SAMD4A: variants seen among roughly 807,000 people sequenced by gnomAD.
The protein encoded by SAMD4A is protein Smaug homolog 1.
SAMD4A carries 33 observed loss-of-function variants against 81.3 expected under a neutral mutation model. The observed-to-expected ratio is 0.41, with a 90% CI of 0.31 to 0.54. The LOEUF is 0.54. SAMD4A is among the 20% of genes least tolerant of loss of function. The pLI, the probability that SAMD4A is intolerant of heterozygous loss-of-function variation, is 0.37. For missense variants in SAMD4A, 854 were observed against 951.1 expected (o/e 0.90, Z 1.34); for synonymous variants, 389 against 382.1 (o/e 1.02, Z -0.21).
At chr14:54,639,890 T>G (rs1388569055) in intron 2 of SAMD4A, among the ~76,000 whole-genome samples, 1 of 152,074 alleles carries the variant, frequency 6.6e-6, no homozygotes, top group Non-Finnish European at 1.5e-5. Context: ...AAAGAAGCAG[T>G]CTAACATTCT....
intron 3 of SAMD4A, among the ~76,000 whole-genome samples, chr14:54,732,372 G>C (rs143813295): frequency 6.6e-6 from 1 of 152,194 alleles, no homozygotes; most frequent in East Asian, 1.9e-4. Flanking sequence ...TGTACGTAGG[G>C]ATTTTGGGGT....
intron 2 of SAMD4A, among the ~76,000 whole-genome samples, chr14:54,580,180 G>A (rs2033424032): frequency 1.3e-5 from 2 of 152,156 alleles, no homozygotes; most frequent in Admixed American, 6.5e-5. Flanking sequence ...GTCGCTTCCC[G>A]ACTTTGACCT....
At chr14:54,574,949 C>T (rs537095836) in intron 2 of SAMD4A, among the ~76,000 whole-genome samples, 43 of 152,172 alleles carry the variant, frequency 2.8e-4, no homozygotes, top group Non-Finnish European at 4.7e-4. Flanking sequence ...TGCGTATCTG[C>T]GGACCATACT....
At chr14:54,679,423 A>G (rs1205323877) in intron 2 of SAMD4A, among the ~76,000 whole-genome samples, 1 of 152,230 alleles carries the variant, frequency 6.6e-6, no homozygotes, top group Non-Finnish European at 1.5e-5. Flanking sequence ...AAAAATGCCA[A>G]AAATACCAAT....
chr14:54,605,200 C>A (rs1236967362), intron 2 of SAMD4A, among the ~76,000 whole-genome samples: 1 of 152,016 alleles, frequency 6.6e-6, no homozygotes, highest in Non-Finnish European at 1.5e-5. Context: ...GAGGATCAGT[C>A]AGCTTGAGTA....
chr14:54,567,929 G>C lies in SAMD4A; in HGVS notation c.13G>C (p.Asp5His), dbSNP rs1235983132. Reference sequence around the variant, plus strand: ...CGGCCCCCTAACCATGATGTTTCGCGACCAGGTCGGGGTGCTGGCGGGCTG... The same window carrying C: ...CGGCCCCCTAACCATGATGTTTCGCCACCAGGTCGGGGTGCTGGCGGGCTG... Reference protein sequence around the residue: MMFRDQVGVLAGWFK... With the variant: MMFRHQVGVLAGWFK... Residue 5 changes from aspartate to histidine, a missense_variant, in exon 2 of 13, where the codon GAC becomes CAC. Transcript: ENST00000554335. 3 of 1,608,200 alleles carry C rather than the reference G, an allele frequency of 1.9e-6. No homozygotes were observed. Among genetic ancestry groups the C allele is most frequent in the East Asian group, 4.5e-5 (2 of 44,670 alleles).
chr14:54,609,842 A>C (rs572484159), intron 2 of SAMD4A, among the ~76,000 whole-genome samples: 17 of 152,350 alleles, frequency 1.1e-4, no homozygotes, highest in African/African-American at 3.8e-4. Context: ...TTACAGGACC[A>C]AAGACTTTAT....
At chr14:54,652,430 G>A (rs2035424601) in intron 2 of SAMD4A, among the ~76,000 whole-genome samples, 1 of 152,194 alleles carries the variant, frequency 6.6e-6, no homozygotes, top group South Asian at 2.1e-4. Context: ...TGAGGTGGAG[G>A]AATACTGGTG....
At chr14:54,665,571 C>T (rs1490618338) in intron 2 of SAMD4A, among the ~76,000 whole-genome samples, 4 of 152,188 alleles carry the variant, frequency 2.6e-5, no homozygotes, top group Non-Finnish European at 4.4e-5. Flanking sequence ...CCTGAGTGGA[C>T]TTTTAAGAAG....
At chr14:54,678,473 G>GGGGAGGGGTA (rs2036043671) in intron 2 of SAMD4A, among the ~76,000 whole-genome samples, 1 of 71,296 alleles carries the variant, frequency 1.4e-5, no homozygotes, top group African/African-American at 3.8e-5. Context: ...GTGTGTGTGT[G>GGGGAGGGGTA]TGTGTGTGTG....
chr14:54,698,268 A>G (rs2036623916), intron 2 of SAMD4A, among the ~76,000 whole-genome samples: 1 of 152,252 alleles, frequency 6.6e-6, no homozygotes, highest in African/African-American at 2.4e-5. Flanking sequence ...TATAATGTTT[A>G]TAACTATTAC....
upstream of SAMD4A, among the ~76,000 whole-genome samples, chr14:54,565,566 C>G (rs575620634): frequency 2.6e-5 from 4 of 152,230 alleles, no homozygotes; most frequent in Admixed American, 2.0e-4. This position sits in a 1 kb window ranked among gnomAD's most constrained non-coding sequence, Gnocchi z 5.4. Context: ...CCACGACCCC[C>G]GGAACCCATC....
chr14:54,634,686 C>T (rs2034988562), intron 2 of SAMD4A, among the ~76,000 whole-genome samples: 1 of 152,018 alleles, frequency 6.6e-6, no homozygotes, highest in Non-Finnish European at 1.5e-5. Flanking sequence ...CGGTCTGTGT[C>T]CCAGGGGTTG....
chr14:54,705,964 A>G (rs2032861463), intron 3 of SAMD4A, among the ~76,000 whole-genome samples: 1 of 152,264 alleles, frequency 6.6e-6, no homozygotes, highest in Non-Finnish European at 1.5e-5. Flanking sequence ...GCCACAAGGC[A>G]TATAGGATGA....
chr14:54,627,265 C>CT (rs574606861), intron 2 of SAMD4A, among the ~76,000 whole-genome samples: 42 of 151,396 alleles, frequency 2.8e-4, no homozygotes, highest in African/African-American at 7.3e-4. Context: ...GTGCTTCTGA[C>CT]TTTTTTTTTA....
intron 2 of SAMD4A, among the ~76,000 whole-genome samples, chr14:54,644,229 TTGTC>T (rs1241605203): frequency 6.6e-6 from 1 of 152,198 alleles, no homozygotes; most frequent in Non-Finnish European, 1.5e-5. Context: ...GAGGTGTATC[TTGTC>T]TAAGGTTACT....
chr14:54,580,620 G>T (rs2033436930), intron 2 of SAMD4A, among the ~76,000 whole-genome samples: 1 of 152,170 alleles, frequency 6.6e-6, no homozygotes, highest in Non-Finnish European at 1.5e-5. Context: ...GTGTTAATGT[G>T]TATGGTGGTG....
At chr14:54,738,667 A>G (rs1321669045) in intron 4 of SAMD4A, among the ~76,000 whole-genome samples, 1 of 152,184 alleles carries the variant, frequency 6.6e-6, no homozygotes, top group African/African-American at 2.4e-5. Flanking sequence ...TTCTGACTTT[A>G]TGCTACATGG....
intron 2 of SAMD4A, among the ~76,000 whole-genome samples, chr14:54,656,055 ATAATACT>A (rs979813138): frequency 8.5e-5 from 13 of 152,326 alleles, no homozygotes; most frequent in African/African-American, 2.9e-4. Flanking sequence ...GTAATGTTAA[ATAATACT>A]TAATATTATT....
Sources: gnomAD v4.1 joint callset for allele counts (sites outside exome capture counted in the v4.1 genomes callset) on GRCh38, gnomAD v4.1.1 for gene constraint, Gnocchi (gnomAD v3.1) non-coding constraint, MANE v1.5 for transcripts, NCBI Gene and HGNC (gene_info 2026-07-23, HGNC 2026-07-21) for gene names.